CCDC178: variants seen among roughly 807,000 people sequenced by gnomAD.
CCDC178 encodes the protein coiled-coil domain-containing protein 178.
In CCDC178, 126 loss-of-function variants were observed where a neutral mutation model predicts 117.4. The ratio of observed to expected loss-of-function variants is 1.07; its 90% CI spans 0.93 to 1.24. The LOEUF is 1.24. Among genes scored for constraint, CCDC178 ranks in the 50% most tolerant of loss-of-function variants. The pLI is 0.00. For synonymous variants in CCDC178, 283 were observed against 313.4 expected (o/e 0.90, Z 1.02); for missense variants, 1,030 against 986.9 (o/e 1.04, Z -0.59).
chr18:33,213,587 C>G (rs180947681), intron 19 of CCDC178, among the ~76,000 whole-genome samples: 1 of 152,032 alleles, frequency 6.6e-6, no homozygotes, highest in East Asian at 1.9e-4. Context: ...ACTTTGTTCT[C>G]TACACTGTTT....
At chr18:33,318,606 T>C (rs987602126) in intron 11 of CCDC178, among the ~76,000 whole-genome samples, 3 of 152,168 alleles carry the variant, frequency 2.0e-5, no homozygotes, top group African/African-American at 7.2e-5. Context: ...CCAAGGAAAT[T>C]GTTTGAAAAG....
chr18:33,404,626 GA>G (rs2063756967), intron 3 of CCDC178, among the ~76,000 whole-genome samples: 1 of 152,006 alleles, frequency 6.6e-6, no homozygotes, highest in Non-Finnish European at 1.5e-5. Context: ...CAACAGGAAT[GA>G]AAACATATGT....
At chr18:33,210,771 C>T (rs546792925) in intron 20 of CCDC178, among the ~76,000 whole-genome samples, 3 of 151,964 alleles carry the variant, frequency 2.0e-5, no homozygotes, top group South Asian at 2.1e-4. Flanking sequence ...AGAGGCATCA[C>T]GTATTGCCAC....
intron 21 of CCDC178, among the ~76,000 whole-genome samples, chr18:33,031,132 T>C (rs1281679010): frequency 2.6e-5 from 4 of 152,176 alleles, no homozygotes; most frequent in East Asian, 1.9e-4. Context: ...TAGATGTCTA[T>C]GTCTTTTTTG....
intron 2 of CCDC178, among the ~76,000 whole-genome samples, chr18:33,430,134 A>G (rs1008168806): frequency 1.3e-5 from 2 of 152,218 alleles, no homozygotes; most frequent in African/African-American, 4.8e-5. Flanking sequence ...TTGTTCTAAA[A>G]TCAAAAAATT....
At chr18:32,993,838 T>C (rs2055445358) in intron 21 of CCDC178, among the ~76,000 whole-genome samples, 1 of 152,184 alleles carries the variant, frequency 6.6e-6, no homozygotes. Flanking sequence ...TTAATAAATA[T>C]AGGGCCTTTA....
At chr18:33,206,132 C>T (rs890737607) in intron 20 of CCDC178, among the ~76,000 whole-genome samples, 1 of 151,996 alleles carries the variant, frequency 6.6e-6, no homozygotes, top group Non-Finnish European at 1.5e-5. Context: ...TTGCATCCCC[C>T]ACCCCCCAAA....
At chr18:33,021,882 TTC>T (rs1056967535) in intron 21 of CCDC178, among the ~76,000 whole-genome samples, 13 of 150,794 alleles carry the variant, frequency 8.6e-5, no homozygotes, top group East Asian at 5.8e-4. Flanking sequence ...AACTAGACTT[TTC>T]TCTCTCTCTC....
chr18:33,329,876 A>ATGTGT (rs2062639722), intron 10 of CCDC178, among the ~76,000 whole-genome samples: 1 of 131,414 alleles, frequency 7.6e-6, no homozygotes, highest in Admixed American at 7.9e-5. Context: ...GAATTATTAG[A>ATGTGT]GTGTGTGTGT....
upstream of CCDC178, chr18:33,440,807 C>T (rs920906758): frequency 1.3e-5 from 2 of 153,984 alleles, no homozygotes; most frequent in African/African-American, 4.8e-5. Context: ...TGCTCCGGGG[C>T]CTCCTGGCTC....
intron 12 of CCDC178, among the ~76,000 whole-genome samples, chr18:33,277,626 T>C (rs2059966422): frequency 6.6e-6 from 1 of 152,102 alleles, no homozygotes; most frequent in Non-Finnish European, 1.5e-5. Context: ...CTCATTAAGG[T>C]TGTAATCTCA....
At chr18:33,123,547 G>A (rs2057964546) in intron 20 of CCDC178, among the ~76,000 whole-genome samples, 1 of 152,084 alleles carries the variant, frequency 6.6e-6, no homozygotes, top group Non-Finnish European at 1.5e-5. Flanking sequence ...CAAAACAAAT[G>A]AAAGGTGAGG....
At chr18:33,082,764 A>T (rs1173979349) in intron 21 of CCDC178, among the ~76,000 whole-genome samples, 9 of 151,668 alleles carry the variant, frequency 5.9e-5, no homozygotes, top group Non-Finnish European at 1.0e-4. Flanking sequence ...TATTCTAAAA[A>T]AATAAAATAA....
At chr18:33,158,167 T>A (rs2058423184) in intron 20 of CCDC178, among the ~76,000 whole-genome samples, 1 of 152,210 alleles carries the variant, frequency 6.6e-6, no homozygotes, top group Non-Finnish European at 1.5e-5. Flanking sequence ...TTATCACTGA[T>A]CTCAAGACTT....
intron 22 of CCDC178, among the ~76,000 whole-genome samples, chr18:32,968,515 T>C (rs945970575): frequency 6.6e-6 from 1 of 152,024 alleles, no homozygotes; most frequent in Admixed American, 6.6e-5. Context: ...TTTGGCTATA[T>C]ACCCAGTAGT....
intron 2 of CCDC178, among the ~76,000 whole-genome samples, chr18:33,428,325 T>C (rs2064149940): frequency 6.6e-6 from 1 of 152,132 alleles, no homozygotes; most frequent in African/African-American, 2.4e-5. Flanking sequence ...TAGCTTACAC[T>C]TAAAACATAC....
Position 32,950,086 on chromosome 18 carries a change from T to C in CCDC178, c.2524-11995A>G, listed in dbSNP as rs1022971420. 4.6e-5 allele frequency among the ~76,000 whole-genome samples: 7 copies of C among 152,314 alleles called. No homozygotes were observed. In the South Asian group the frequency reaches 1.4e-3, roughly 32 times the overall value. Reference sequence around the variant, plus strand: ...ACCAGATACTATTTCCACTAATATTTTGGATGACTCTTTTCATGAGTAGAA... The same window carrying C: ...ACCAGATACTATTTCCACTAATATTCTGGATGACTCTTTTCATGAGTAGAA... On this transcript the variant is annotated intron_variant, in intron 22 of 22. Coordinates refer to ENST00000383096, the MANE Select transcript of CCDC178 (RefSeq NM_001105528.4).
intron 4 of CCDC178, among the ~76,000 whole-genome samples, chr18:33,391,251 A>G (rs1273337930): frequency 6.6e-6 from 1 of 151,882 alleles, no homozygotes; most frequent in East Asian, 1.9e-4. Context: ...TTACTTTACA[A>G]TTGAAGTTAC....
intron 5 of CCDC178, among the ~76,000 whole-genome samples, chr18:33,383,554 TG>T (rs2063461796): frequency 6.6e-6 from 1 of 151,992 alleles, no homozygotes; most frequent in Non-Finnish European, 1.5e-5. Context: ...CATCCTCCAC[TG>T]GTGCTACCCA....
Sources: allele counts gnomAD v4.1 joint callset (sites outside exome capture counted in the v4.1 genomes callset), GRCh38; gene constraint gnomAD v4.1.1; transcripts MANE v1.5; gene names NCBI Gene and HGNC (gene_info 2026-07-23, HGNC 2026-07-21).